EHBP1: variants seen among roughly 807,000 people sequenced by gnomAD.
EHBP1 encodes EH domain-binding protein 1.
In EHBP1, 55 loss-of-function variants were observed where a neutral mutation model predicts 144.0. The ratio of observed to expected loss-of-function variants is 0.38; its 90% CI spans 0.31 to 0.48. The LOEUF (loss-of-function observed/expected upper bound fraction) is 0.48. EHBP1 is among the 20% of genes least tolerant of loss of function. The pLI, the probability that EHBP1 is intolerant of heterozygous loss-of-function variation, is 0.98. For synonymous variants in EHBP1, 469 were observed against 472.7 expected, an observed-to-expected ratio of 0.99 and a Z score of 0.10; for missense variants, 1,200 against 1,364.2, an observed-to-expected ratio of 0.88 and a Z score of 1.90.
At chr2:62,955,778 C>T in intron 14 of EHBP1, 118 bp downstream of exon 14, 1 of 1,050,134 alleles carries the variant, frequency 9.5e-7, no homozygotes, top group African/African-American at 1.6e-5. Context: ...ATTGTGAATA[C>T]TTGGTGCACT....
intron 4 of EHBP1, 51 bp from the exon 5 acceptor site, chr2:62,771,288 G>T: frequency 7.1e-7 from 1 of 1,401,322 alleles, no homozygotes; most frequent in Non-Finnish European, 9.8e-7. Flanking sequence ...TGGGTTTATT[G>T]GACTAAAGAC....
At chr2:62,942,995 A>G in intron 11 of EHBP1, 99 bp downstream of exon 11, 2 of 889,820 alleles carry the variant, frequency 2.2e-6, no homozygotes, top group East Asian at 5.5e-5. Context: ...AATAATTTAT[A>G]TTTGTTTTAT....
At chr2:62,807,819 CT>C (rs1276388756) in intron 5 of EHBP1, among the ~76,000 whole-genome samples, 1 of 152,114 alleles carries the variant, frequency 6.6e-6, no homozygotes, top group Non-Finnish European at 1.5e-5. Context: ...TCTCTCAAAA[CT>C]TTAAAATATT....
At chr2:62,748,405 G>T (rs2039357373) in intron 3 of EHBP1, among the ~76,000 whole-genome samples, 1 of 152,098 alleles carries the variant, frequency 6.6e-6, no homozygotes, top group East Asian at 1.9e-4. Flanking sequence ...TGTAATCCTG[G>T]CACTTTGGGA....
At chr2:62,942,646 T>C in intron 10 of EHBP1, 72 bp from the exon 11 acceptor site, 1 of 1,359,242 alleles carries the variant, frequency 7.4e-7, no homozygotes, top group Non-Finnish European at 1.0e-6. Context: ...ATGATCTGAT[T>C]AGGTCAATTA....
intron 14 of EHBP1, chr2:62,956,051 G>A (rs2057678705): frequency 6.5e-6 from 1 of 153,714 alleles, no homozygotes; most frequent in Non-Finnish European, 1.4e-5. Flanking sequence ...AGTATTTCAG[G>A]AACAATAATT....
chr2:63,026,338 G>GTGTGTGTGTC (rs1553517853), intron 19 of EHBP1, among the ~76,000 whole-genome samples: 1 of 148,740 alleles, frequency 6.7e-6, no homozygotes, highest in East Asian at 2.0e-4. Context: ...GTGTGTGTGT[G>GTGTGTGTGTC]TGTGTGTCTG....
At chr2:62,716,434 T>C (rs558900237) in intron 2 of EHBP1, among the ~76,000 whole-genome samples, 34 of 152,334 alleles carry the variant, frequency 2.2e-4, no homozygotes, top group African/African-American at 7.7e-4. Context: ...TTCTTCTTTG[T>C]GTCTTTTATG....
chr2:62,741,836 A>G (rs910569671), intron 2 of EHBP1, among the ~76,000 whole-genome samples: 12 of 152,202 alleles, frequency 7.9e-5, no homozygotes, highest in African/African-American at 2.9e-4. Flanking sequence ...ACAATACAGC[A>G]TAACAACTAT....
intron 10 of EHBP1, among the ~76,000 whole-genome samples, chr2:62,929,730 A>G (rs1381339320): frequency 1.3e-5 from 2 of 152,170 alleles, no homozygotes; most frequent in Middle Eastern, 3.2e-3. Flanking sequence ...TAGGCAAGTA[A>G]AAGATGTAAA....
intron 10 of EHBP1, among the ~76,000 whole-genome samples, chr2:62,941,143 A>G (rs2153070188): frequency 6.6e-6 from 1 of 152,284 alleles, no homozygotes; most frequent in South Asian, 2.1e-4. Flanking sequence ...TAAGAAAAAA[A>G]TGTTTATGCC....
chr2:62,884,361 A>G (rs1449000598), intron 10 of EHBP1, among the ~76,000 whole-genome samples: 1 of 152,190 alleles, frequency 6.6e-6, no homozygotes, highest in East Asian at 1.9e-4. Context: ...TGATATGTAC[A>G]AGATAACATT....
intron 2 of EHBP1, 104 bp from the exon 3 acceptor site, chr2:62,747,291 T>G: frequency 1.1e-6 from 1 of 921,400 alleles, no homozygotes; most frequent in Non-Finnish European, 1.7e-6. Context: ...AGTAGCTGCT[T>G]TATGTAGCCT....
At chr2:63,007,168 C>G (rs959422493) in intron 19 of EHBP1, among the ~76,000 whole-genome samples, 2 of 151,736 alleles carry the variant, frequency 1.3e-5, no homozygotes, top group African/African-American at 4.8e-5. Context: ...GGCATTTTAC[C>G]AACTTTAATG....
At chr2:62,859,432 T>G in intron 8 of EHBP1, 141 bp downstream of exon 8, 1 of 756,294 alleles carries the variant, frequency 1.3e-6, no homozygotes, top group Non-Finnish European at 1.9e-6. Flanking sequence ...TCAATACCAC[T>G]TGGAGTTGAT....
intron 11 of EHBP1, among the ~76,000 whole-genome samples, chr2:62,943,253 GA>G (rs1252337676): frequency 1.3e-5 from 2 of 151,894 alleles, no homozygotes; most frequent in African/African-American, 4.8e-5. Context: ...GCGCATGCCT[GA>G]AATCCCAGCT....
chr2:63,006,671 A>T (rs1020696176), intron 19 of EHBP1, among the ~76,000 whole-genome samples: 2 of 151,878 alleles, frequency 1.3e-5, no homozygotes, highest in Non-Finnish European at 2.9e-5. Context: ...TTCTTAAAAG[A>T]TAAGTGTTAT....
At chr2:62,992,188 G>GT (rs2059440852) in intron 16 of EHBP1, among the ~76,000 whole-genome samples, 1 of 152,032 alleles carries the variant, frequency 6.6e-6, no homozygotes, top group South Asian at 2.1e-4. Context: ...AAATTTAGCT[G>GT]TGTTTGTTTA....
intron 8 of EHBP1, among the ~76,000 whole-genome samples, chr2:62,860,958 A>T (rs543124838): frequency 3.1e-4 from 47 of 151,908 alleles, no homozygotes; most frequent in Middle Eastern, 3.4e-3. Context: ...AGTATTTTTT[A>T]TTATTAAAAT....
Sources: gnomAD v4.1 joint callset for allele counts (sites outside exome capture counted in the v4.1 genomes callset) on GRCh38, gnomAD v4.1.1 for gene constraint, MANE v1.5 for transcripts, NCBI Gene and HGNC (gene_info 2026-07-23, HGNC 2026-07-21) for gene names.